The following FANK1 variants were observed in gnomAD, a reference collection of about 807,000 sequenced individuals.
The protein encoded by FANK1 is fibronectin type III and ankyrin repeat domains 1, also known as fibronectin type 3 and ankyrin repeat domains protein 1.
FANK1 carries 44 observed loss-of-function variants against 45.3 expected under a neutral mutation model. The ratio of observed to expected loss-of-function variants is 0.97; its 90% CI spans 0.76 to 1.25. The LOEUF is 1.25. Ranked by LOEUF, FANK1 falls within the 50% of genes most tolerant of loss-of-function variation. FANK1 has a pLI of 0.00. For synonymous variants in FANK1, 149 were observed against 152.5 expected (o/e 0.98, Z 0.17); for missense variants, 391 against 424.4 (o/e 0.92, Z 0.69).
intron 1 of FANK1, among the ~76,000 whole-genome samples, chr10:125,910,040 T>TAA (rs112926788): frequency 6.8e-6 from 1 of 148,018 alleles, no homozygotes; most frequent in African/African-American, 2.5e-5. Flanking sequence ...AGCACCAAGA[T>TAA]AAAAAAAAAA....
At chr10:125,969,357 A>C (rs932450808) in intron 1 of FANK1, among the ~76,000 whole-genome samples, 1 of 152,080 alleles carries the variant, frequency 6.6e-6, no homozygotes, top group Non-Finnish European at 1.5e-5. Context: ...CTTAAAAAAA[A>C]AAAAAAGTAC....
intron 1 of FANK1, among the ~76,000 whole-genome samples, chr10:125,935,125 C>G (rs1351145186): frequency 1.3e-5 from 2 of 152,172 alleles, no homozygotes; most frequent in Non-Finnish European, 2.9e-5. Context: ...GACACCCTGT[C>G]TTGGGACATC....
intron 1 of FANK1, among the ~76,000 whole-genome samples, chr10:125,962,139 C>CA (rs894686133): frequency 1.3e-5 from 2 of 152,076 alleles, no homozygotes; most frequent in African/African-American, 4.8e-5. Context: ...ATCTCAACAG[C>CA]AAAAAACAAT....
chr10:125,979,161 C>T (rs535131957), intron 1 of FANK1, among the ~76,000 whole-genome samples: 1 of 152,040 alleles, frequency 6.6e-6, no homozygotes, highest in Non-Finnish European at 1.5e-5. Context: ...CCGTGCTGAC[C>T]CCCGGGGGGC....
chr10:125,915,871 G>A (rs1319085819), intron 1 of FANK1, among the ~76,000 whole-genome samples: 1 of 152,172 alleles, frequency 6.6e-6, no homozygotes, highest in East Asian at 1.9e-4. Context: ...AAGCACAGAT[G>A]TTTTCCCTGT....
At chr10:125,956,711 G>GATTGCTAAATAAA (rs899312895) in intron 1 of FANK1, among the ~76,000 whole-genome samples, 2 of 152,118 alleles carry the variant, frequency 1.3e-5, no homozygotes, top group African/African-American at 4.8e-5. Context: ...TGTTTATTTA[G>GATTGCTAAATAAA]CAATGATGGT....
At position 125,997,488 on chromosome 10, in the gene FANK1, AG is replaced by A. The variant is rs770711488; in HGVS notation, c.539+5del. 3.2e-5 allele frequency: 51 copies of A among 1,613,206 alleles called. No homozygotes were observed. The East Asian group carries it at 1.1e-3, about 36-fold the overall frequency. On this transcript the variant is annotated splice_donor_region_variant and intron_variant, in intron 6 of 10. Transcript: ENST00000368693. ...AAGAATGGAAGTGGCAAGGACAGGT[AG>A]GAGGTGGGATATGACTGAAATTGTG...
At chr10:126,005,724 A>G (rs768390098) in intron 7 of FANK1, among the ~76,000 whole-genome samples, 1 of 152,246 alleles carries the variant, frequency 6.6e-6, no homozygotes, top group Admixed American at 6.5e-5. Context: ...CAAAGATATT[A>G]AGAGAGCCCT....
At chr10:125,990,133 G>A (rs1951829415) in intron 3 of FANK1, among the ~76,000 whole-genome samples, 1 of 152,190 alleles carries the variant, frequency 6.6e-6, no homozygotes, top group Non-Finnish European at 1.5e-5. Context: ...CAGGTACAGA[G>A]CAGTATTCCC....
intron 7 of FANK1, 100 bp downstream of exon 7, chr10:126,005,149 A>C: frequency 7.1e-7 from 1 of 1,411,628 alleles, no homozygotes; most frequent in Non-Finnish European, 9.5e-7. Flanking sequence ...AGCTAACCTT[A>C]GAAATGCTGG....
intron 1 of FANK1, among the ~76,000 whole-genome samples, chr10:125,954,844 A>G (rs1003183896): frequency 6.6e-6 from 1 of 152,070 alleles, no homozygotes; most frequent in African/African-American, 2.4e-5. Context: ...TCACTTGAGC[A>G]TAGGAGGCAG....
chr10:125,924,152 T>G (rs1947149934), intron 1 of FANK1, among the ~76,000 whole-genome samples: 3 of 152,232 alleles, frequency 2.0e-5, no homozygotes, highest in Non-Finnish European at 4.4e-5. Context: ...CTTGGCTGAT[T>G]CTATTGTGTG....
chr10:125,918,591 T>A (rs201810533), intron 1 of FANK1, among the ~76,000 whole-genome samples: 3,866 of 62,244 alleles, frequency 0.062, 32 homozygotes, highest in Non-Finnish European at 0.09. Context: ...AAAAAATATA[T>A]ATATATATAT....
At chr10:125,986,593 C>A (rs1255810172) in intron 2 of FANK1, among the ~76,000 whole-genome samples, 1 of 152,160 alleles carries the variant, frequency 6.6e-6, no homozygotes. Flanking sequence ...CATGACTTTC[C>A]CAGGTGTTGT....
intron 5 of FANK1, 138 bp downstream of exon 5, chr10:125,996,762 A>G: frequency 1.5e-6 from 1 of 667,604 alleles, no homozygotes; most frequent in Non-Finnish European, 2.5e-6. Flanking sequence ...ACCGTACCAT[A>G]TGATGGCTTA....
In FANK1 at chr10:125,994,855, G is replaced by A. The variant is rs1482468576; in HGVS notation, c.317-562G>A. ...CTGGACTCCTCCTGGGTCTTCGCTG[G>A]TTGGCAAGCTCTCTCCCCTAATTGG... On this transcript the variant is annotated intron_variant, in intron 3 of 10. Transcript: ENST00000368693. 4.1e-6 allele frequency: 4 copies of A among 985,216 alleles called. No individual in the cohort carries two copies. The African/African-American group carries it at 7.0e-5, about 17-fold the overall frequency. 61.0% of individuals were successfully genotyped at this position (985,216 alleles called of 1,614,324 possible). A position where few individuals can be genotyped will look rare whatever the true frequency, so the allele number is the denominator to read the frequency against.
chr10:125,907,995 C>CTT lies in FANK1; in HGVS notation c.13+11356_13+11357dup, dbSNP rs56856062. Among the ~76,000 whole-genome samples, 547 of 133,938 alleles carry CTT rather than the reference C, an allele frequency of 4.1e-3. 1 individual carries two copies. Among genetic ancestry groups the CTT allele is most frequent in the African/African-American group, 5.1e-3 (182 of 35,980 alleles). 87.9% of individuals were successfully genotyped at this position (133,938 alleles called of 152,430 possible). A position where few individuals can be genotyped will look rare whatever the true frequency, so the allele number is the denominator to read the frequency against. On this transcript the variant is annotated intron_variant, in intron 1 of 10. Coordinates refer to ENST00000368693, the MANE Select transcript of FANK1 (RefSeq NM_145235.5). ...GAGAGAATAAATATGTTTTTTCTCC[C>CTT]TTTTTTTTTTTTTTTTTGAGACAAG... is the stretch of plus-strand genomic sequence containing the variant.
At chr10:126,001,364 T>A (rs1370677403) in intron 6 of FANK1, among the ~76,000 whole-genome samples, 1 of 152,130 alleles carries the variant, frequency 6.6e-6, no homozygotes, top group African/African-American at 2.4e-5. Flanking sequence ...AATAAGAAAC[T>A]GAAATAATAC....
intron 1 of FANK1, among the ~76,000 whole-genome samples, chr10:125,955,906 AGGGTT>A (rs1949544524): frequency 6.6e-6 from 1 of 152,172 alleles, no homozygotes; most frequent in African/African-American, 2.4e-5. Flanking sequence ...GGAAGGAAGC[AGGGTT>A]GGGGAGGATA....
Sources: gnomAD v4.1 joint callset for allele counts (sites outside exome capture counted in the v4.1 genomes callset) on GRCh38, gnomAD v4.1.1 for gene constraint, MANE v1.5 for transcripts, NCBI Gene and HGNC (gene_info 2026-07-23, HGNC 2026-07-21) for gene names.